Variants in ZSCAN32 observed in about 807,000 individuals in gnomAD.
ZSCAN32 encodes zinc finger and SCAN domain-containing protein 32.
In ZSCAN32, 52 loss-of-function variants were observed where a neutral mutation model predicts 47.4. That is an observed-to-expected ratio of 1.10 (90% CI 0.88 to 1.38). The LOEUF (loss-of-function observed/expected upper bound fraction) is 1.38. Among genes scored for constraint, ZSCAN32 ranks in the 40% most tolerant of loss-of-function variants. ZSCAN32 has a pLI of 0.00. For missense variants in ZSCAN32, 959 were observed against 846.0 expected (o/e 1.13, Z -1.66); for synonymous variants, 346 against 305.7 (o/e 1.13, Z -1.38).
chr16:3,395,993 T>G (rs27240), intron 2 of ZSCAN32, among the ~76,000 whole-genome samples: 136,428 of 152,208 alleles, frequency 0.9, 61,262 homozygotes, highest in African/African-American at 0.95. Flanking sequence ...CCAAGACCCT[T>G]TCAAAAAATA....
chr16:3,393,925 ATC>A, intron 2 of ZSCAN32, 111 bp from the exon 3 acceptor site: 1 of 935,524 alleles, frequency 1.1e-6, no homozygotes, highest in South Asian at 2.3e-5. Flanking sequence ...GAAGAGAAAA[ATC>A]TAGGAGCCAC....
At chr16:3,393,998 T>A (rs1178937530) in intron 2 of ZSCAN32, among the ~76,000 whole-genome samples, 184 bp from the exon 3 acceptor site, 1 of 152,110 alleles carries the variant, frequency 6.6e-6, no homozygotes, top group East Asian at 1.9e-4. Flanking sequence ...GGCAGTAGCT[T>A]ACGCCTGTAA....
intron 5 of ZSCAN32, among the ~76,000 whole-genome samples, chr16:3,386,769 C>T (rs117526231): frequency 0.044 from 6,622 of 152,120 alleles, 192 homozygotes; most frequent in Middle Eastern, 0.061. Context: ...GGTAGGGGAA[C>T]ATCACACACG....
intron 1 of ZSCAN32, among the ~76,000 whole-genome samples, chr16:3,399,455 A>G (rs776804264): frequency 2.0e-4 from 30 of 152,312 alleles, no homozygotes; most frequent in Non-Finnish European, 2.9e-4. Context: ...CCATCACAGG[A>G]GTGAGCCTGT....
chr16:3,383,974 C>A, intron 6 of ZSCAN32: 1 of 486,966 alleles, frequency 2.1e-6, no homozygotes, highest in East Asian at 3.7e-5. Flanking sequence ...TGAGGCAAGA[C>A]ATTAAGCACT....
Position 3,390,014 on chromosome 16 carries a change from C to A in ZSCAN32, c.747G>T (p.Ser249=). 6.2e-7 allele frequency: 1 copy of A among 1,610,384 alleles called. No individual in the cohort carries two copies. The highest frequency in any genetic ancestry group is 8.5e-7 in the Non-Finnish European group (1 of 1,178,160). ...GGAGGGAAGATGGATCCTTACCCAGCGAGACGTGACTGTCCTTCCTCTGGG... is the reference window on the plus strand; with the variant it reads ...GGAGGGAAGATGGATCCTTACCCAGAGAGACGTGACTGTCCTTCCTCTGGG... ...GATQRKDSHV[S]LATGVPWGYE... is the part of the protein sequence containing the mutation. The change falls in exon 5 of 7, where the codon TCG becomes TCT. Residue 249 remains serine (S), a synonymous_variant. Transcript: ENST00000396852.
chr16:3,400,545 C>T (rs1469767007), intron 1 of ZSCAN32, among the ~76,000 whole-genome samples: 2 of 152,292 alleles, frequency 1.3e-5, no homozygotes, highest in African/African-American at 4.8e-5. Flanking sequence ...ATGGCCCAAA[C>T]ACTCGGAAAA....
rs1253073681 is a variant in ZSCAN32, at chr16:3,397,361, A to G, written c.197T>C (p.Leu66Pro). The change falls in exon 2 of 7, where the codon CTG becomes CCG. Residue 66 changes from leucine to proline, a missense_variant. Coordinates refer to ENST00000396852, the MANE Select transcript of ZSCAN32 (RefSeq NM_001284527.2). ...CTCTTTTGAGTGGGTCTTCGGCCTC[A>G]GCCACTGACAACAGAGTTCCCAGAG... ...SKLWELCCQWLRPKTHSKEEI... is the reference protein window; with the variant it reads ...SKLWELCCQWPRPKTHSKEEI... 6.4e-7 allele frequency: 1 copy of G among 1,557,516 alleles called. No individual in the cohort carries two copies. The highest frequency in any genetic ancestry group is 1.9e-5 in the Admixed American group (1 of 51,564).
rs1039808848 is a variant in ZSCAN32, at chr16:3,382,296, G to C, written c.*556C>G. On this transcript the variant is annotated 3_prime_UTR_variant, in exon 7 of 7. Coordinates refer to ENST00000396852, the MANE Select transcript of ZSCAN32 (RefSeq NM_001284527.2). ...GCTTGCTCTAAGGTTAAGTCACTTA[G>C]GGAAACAGATTCAGTATTATCCAAT... is the stretch of plus-strand genomic sequence containing the variant. 2.0e-5 allele frequency: 3 copies of C among 152,174 alleles called. No homozygotes were observed. Among genetic ancestry groups the C allele is most frequent in the Non-Finnish European group, 2.9e-5 (2 of 68,044 alleles). 9.4% of individuals were successfully genotyped at this position (152,174 alleles called of 1,614,324 possible).
intron 4 of ZSCAN32, 97 bp downstream of exon 4, chr16:3,390,326 T>C (rs1279743861): frequency 2.9e-6 from 4 of 1,369,188 alleles, no homozygotes; most frequent in South Asian, 1.4e-5. Context: ...AGAAGCCCCA[T>C]GGACCACACA....
Position 3,397,516 on chromosome 16 carries a change from T to C in ZSCAN32, c.42A>G (p.Ser14=). 2 of 1,549,816 alleles carry C rather than the reference T, an allele frequency of 1.3e-6. No homozygotes were observed. Among genetic ancestry groups the C allele is most frequent in the South Asian group, 2.4e-5 (2 of 84,028 alleles). Residue 14 remains serine (S), a synonymous_variant, in exon 2 of 7, where the codon TCA becomes TCG. Transcript: ENST00000396852. ...AVKSTEAHPS[S]NKDPTQGQKS... ...TCTGGCCCTGTGTGGGATCCTTGTTTGAGGATGGGTGTGCCTCGGTACTCT... is the reference window on the plus strand; with the variant it reads ...TCTGGCCCTGTGTGGGATCCTTGTTCGAGGATGGGTGTGCCTCGGTACTCT...
rs1169118248 is a variant in ZSCAN32 at position 3,393,254 on chromosome 16, TA to T, written c.532+394del. Among the ~76,000 whole-genome samples the T allele has an allele frequency of 8.5e-4, 22 of 26,032 alleles. 1 individual carries two copies. Among genetic ancestry groups the T allele is most frequent in the African/African-American group, 4.7e-3 (12 of 2,550 alleles). 17.1% of individuals were successfully genotyped at this position (26,032 alleles called of 152,430 possible). ...AATTTATATATTTTATATATATATA[TA>T]TTTTTTGTTTTCTTTGAGACAGCCC... On this transcript the variant is annotated intron_variant, in intron 3 of 6. Coordinates refer to ENST00000396852, the MANE Select transcript of ZSCAN32 (RefSeq NM_001284527.2).
chr16:3,398,799 A>G lies in ZSCAN32; in HGVS notation c.-187-1055T>C, dbSNP rs558690080. Reference sequence around the variant, plus strand: ...AGAACTGGTGTGTGTGTGCTTCTTGATTAACTTCTTCATTACTATTACTCC... The same window carrying G: ...AGAACTGGTGTGTGTGTGCTTCTTGGTTAACTTCTTCATTACTATTACTCC... On this transcript the variant is annotated intron_variant, in intron 1 of 6. Transcript: ENST00000396852. Among the ~76,000 whole-genome samples, 18 of 152,080 alleles carry G rather than the reference A, an allele frequency of 1.2e-4. No individual in the cohort carries two copies. The South Asian group carries it at 3.7e-3, about 32-fold the overall frequency.
intron 1 of ZSCAN32, among the ~76,000 whole-genome samples, chr16:3,399,193 A>C (rs979996839): frequency 6.6e-6 from 1 of 152,182 alleles, no homozygotes; most frequent in Non-Finnish European, 1.5e-5. Flanking sequence ...ATTGCACTCC[A>C]GCCTGGGCAA....
In ZSCAN32 at chr16:3,383,291, C is replaced by A. The variant is rs1255493284; in HGVS notation, c.1655G>T (p.Ser552Ile). Residue 552 changes from serine (S) to isoleucine (I), a missense_variant, in exon 7 of 7, where the codon AGT (serine) becomes ATT (isoleucine). Ser to Ile is a moderately radical substitution (Grantham distance 142). Coordinates refer to ENST00000396852, the MANE Select transcript of ZSCAN32 (RefSeq NM_001284527.2). ...IHTGEKPHKC[S>I]ECGKGFSERS... is the part of the protein sequence containing the mutation. ...CTCACTAAAGCCCTTCCCGCACTCA[C>A]TGCACTTGTGAGGCTTCTCGCCTGT... 6.2e-7 allele frequency: 1 copy of A among 1,614,230 alleles called. No homozygotes were observed. Among genetic ancestry groups the A allele is most frequent in the Non-Finnish European group, 8.5e-7 (1 of 1,180,036 alleles).
chr16:3,394,680 A>G (rs1198434003), intron 2 of ZSCAN32, among the ~76,000 whole-genome samples: 3 of 151,176 alleles, frequency 2.0e-5, no homozygotes, highest in Admixed American at 6.6e-5. Context: ...TAAAATCCAG[A>G]CTCCTCTTTG....
chr16:3,392,628 C>G (rs2032849995), intron 3 of ZSCAN32, among the ~76,000 whole-genome samples: 1 of 152,094 alleles, frequency 6.6e-6, no homozygotes, highest in Non-Finnish European at 1.5e-5. Flanking sequence ...GAGATCGAGA[C>G]CATCCTGGCT....
intron 3 of ZSCAN32, 87 bp from the exon 4 acceptor site, chr16:3,390,604 C>A (rs1231337330): frequency 5.6e-6 from 6 of 1,063,564 alleles, no homozygotes; most frequent in Non-Finnish European, 8.2e-6. Flanking sequence ...CTGGGCCAGC[C>A]GCATCAGCAG....
intron 2 of ZSCAN32, 148 bp from the exon 3 acceptor site, chr16:3,393,962 A>T: frequency 1.5e-6 from 1 of 651,352 alleles, no homozygotes; most frequent in Non-Finnish European, 2.4e-6. Context: ...AATAAAATAA[A>T]AATTAATAGA....
Sources: gnomAD v4.1 joint callset for allele counts (sites outside exome capture counted in the v4.1 genomes callset) on GRCh38, gnomAD v4.1.1 for gene constraint, MANE v1.5 for transcripts, NCBI Gene and HGNC (gene_info 2026-07-23, HGNC 2026-07-21) for gene names.